ADAM22: variants seen among roughly 807,000 people sequenced by gnomAD.
ADAM22 encodes ADAM metallopeptidase domain 22, also known as disintegrin and metalloproteinase domain-containing protein 22.
In ADAM22, 65 loss-of-function variants were observed where a neutral mutation model predicts 144.6. The ratio of observed to expected loss-of-function variants is 0.45; its 90% CI spans 0.37 to 0.55. The LOEUF (loss-of-function observed/expected upper bound fraction) is 0.55, where lower values mean the gene tolerates loss of function less well. Ranked by LOEUF, ADAM22 falls within the 20% of genes least tolerant of loss-of-function variation. The pLI, the probability that ADAM22 is intolerant of heterozygous loss-of-function variation, is 0.00. For missense variants in ADAM22, 974 were observed against 1,184.9 expected (o/e 0.82, Z 2.61); for synonymous variants, 391 against 412.6 (o/e 0.95, Z 0.63).
At chr7:88,019,698 A>C (rs1322571308) in intron 3 of ADAM22, among the ~76,000 whole-genome samples, 1 of 151,272 alleles carries the variant, frequency 6.6e-6, no homozygotes, top group Non-Finnish European at 1.5e-5. Context: ...AAAATTACAA[A>C]AATTAGCTGG....
At chr7:88,180,505 TG>T (rs1189882713) in intron 27 of ADAM22, among the ~76,000 whole-genome samples, 2 of 152,130 alleles carry the variant, frequency 1.3e-5, no homozygotes, top group African/African-American at 4.8e-5. Context: ...TTATTTTCAC[TG>T]ATCAGTAGAA....
chr7:88,196,841 T>G lies in ADAM22; in HGVS notation c.*350T>G. ...TAGCAAGTTTCCTAAGGTACAATAGTGGATTCAGAACTTGACGTTCTGAGG... is the reference window on the plus strand; with the variant it reads ...TAGCAAGTTTCCTAAGGTACAATAGGGGATTCAGAACTTGACGTTCTGAGG... On this transcript the variant is annotated 3_prime_UTR_variant, in exon 32 of 32. Transcript: ENST00000413139. 3.6e-6 allele frequency: 1 copy of G among 278,650 alleles called. No individual in the cohort carries two copies. The highest frequency in any genetic ancestry group is 7.0e-6 in the Non-Finnish European group (1 of 142,858). The allele number at this position is 278,650 out of a possible 1,614,324, so 17.3% of individuals were successfully genotyped here. A position where few individuals can be genotyped will look rare whatever the true frequency, so the allele number is the denominator to read the frequency against.
chr7:88,143,616 G>C (rs1292178681), intron 15 of ADAM22, among the ~76,000 whole-genome samples: 2 of 152,098 alleles, frequency 1.3e-5, no homozygotes, highest in African/African-American at 4.8e-5. Context: ...AGAAAGTCTT[G>C]GACTTTGTCA....
At chr7:87,963,494 C>G (rs1848420535) in intron 2 of ADAM22, among the ~76,000 whole-genome samples, 1 of 152,058 alleles carries the variant, frequency 6.6e-6, no homozygotes. Context: ...GGCCTTTTTC[C>G]TTTGTAAAAA....
intron 2 of ADAM22, among the ~76,000 whole-genome samples, chr7:87,954,952 C>T (rs1846270178): frequency 1.3e-5 from 2 of 152,328 alleles, no homozygotes; most frequent in South Asian, 2.1e-4. Flanking sequence ...CTGCATTCTT[C>T]ACGTAGTTCT....
chr7:88,011,395 C>A (rs1382892415), intron 3 of ADAM22, among the ~76,000 whole-genome samples: 1 of 152,062 alleles, frequency 6.6e-6, no homozygotes, highest in Non-Finnish European at 1.5e-5. Flanking sequence ...AAAAAATTAG[C>A]CAGGCATGGT....
At chr7:88,132,551 G>A (rs1251533495) in intron 11 of ADAM22, 1 of 221,788 alleles carries the variant, frequency 4.5e-6, no homozygotes, top group Non-Finnish European at 9.1e-6. Flanking sequence ...AATGCCTGAT[G>A]TTAAGATATG....
intron 13 of ADAM22, among the ~76,000 whole-genome samples, chr7:88,135,209 C>T (rs978311786): frequency 3.2e-5 from 4 of 123,882 alleles, no homozygotes; most frequent in South Asian, 2.8e-4. Flanking sequence ...ACCCAGGAGG[C>T]GGAGGTTGCG....
chr7:88,181,744 C>G, intron 28 of ADAM22, 139 bp downstream of exon 28: 1 of 838,040 alleles, frequency 1.2e-6, no homozygotes, highest in Non-Finnish European at 1.9e-6. Flanking sequence ...GAATGAGAGC[C>G]TAGTTTTTAT....
intron 15 of ADAM22, 102 bp from the exon 16 acceptor site, chr7:88,145,023 G>A: frequency 3.3e-6 from 3 of 898,732 alleles, no homozygotes; most frequent in African/African-American, 1.7e-5. Context: ...ATTTTAGAAT[G>A]ACTGGCAGGG....
At position 88,034,870 on chromosome 7, in the gene ADAM22, G is replaced by A. The variant is rs566109115; in HGVS notation, c.324-40756G>A. ...CTAAGTGCACAGTTTCTCTCTCTGT[G>A]CCATGAGGCTGCTGCTGGGGTGTGG... On this transcript the variant is annotated intron_variant, in intron 3 of 31. Transcript: ENST00000413139. Among the ~76,000 whole-genome samples, 93 of 152,240 alleles carry A rather than the reference G, an allele frequency of 6.1e-4. 2 individuals carry two copies. In the Middle Eastern group the frequency reaches 0.017, roughly 28 times the overall value.
intron 3 of ADAM22, among the ~76,000 whole-genome samples, chr7:88,074,033 T>C (rs1022045034): frequency 1.3e-5 from 2 of 152,190 alleles, no homozygotes; most frequent in African/African-American, 4.8e-5. Flanking sequence ...TTTTTGATTG[T>C]CATGACTGGT....
intron 5 of ADAM22, among the ~76,000 whole-genome samples, chr7:88,114,159 G>T (rs1023444021): frequency 6.6e-6 from 1 of 152,138 alleles, no homozygotes; most frequent in African/African-American, 2.4e-5. Flanking sequence ...GGCGTTCTCA[G>T]TATAGTCCCT....
chr7:88,150,871 G>T, intron 18 of ADAM22, 110 bp from the exon 19 acceptor site: 1 of 903,160 alleles, frequency 1.1e-6, no homozygotes, highest in East Asian at 2.4e-5. Context: ...GATGGTATAA[G>T]GGACTAGCCA....
chr7:88,081,036 A>C (rs537211942), intron 4 of ADAM22, among the ~76,000 whole-genome samples: 1 of 152,330 alleles, frequency 6.6e-6, no homozygotes, highest in African/African-American at 2.4e-5. Flanking sequence ...GAGACACACA[A>C]AAAAAGAGAA....
chr7:87,948,893 T>C (rs909562427), intron 2 of ADAM22, among the ~76,000 whole-genome samples: 4 of 152,238 alleles, frequency 2.6e-5, no homozygotes, highest in Non-Finnish European at 5.9e-5. Context: ...GCACTGTGCC[T>C]GACACACAGT....
At chr7:88,101,035 G>A (rs1218961445) in intron 4 of ADAM22, among the ~76,000 whole-genome samples, 3 of 150,990 alleles carry the variant, frequency 2.0e-5, no homozygotes, top group Non-Finnish European at 2.9e-5. Flanking sequence ...AGGACAGGCC[G>A]TTAGTTCCTG....
chr7:87,992,098 A>G (rs1790046877), intron 3 of ADAM22, among the ~76,000 whole-genome samples: 2 of 152,222 alleles, frequency 1.3e-5, no homozygotes, highest in South Asian at 2.1e-4. Context: ...GCAAGATGGT[A>G]TCCACCCAGG....
intron 4 of ADAM22, among the ~76,000 whole-genome samples, chr7:88,077,505 T>C (rs571501245): frequency 5.3e-5 from 8 of 152,166 alleles, no homozygotes; most frequent in African/African-American, 1.2e-4. Context: ...TGCAGGACAA[T>C]GGGTGCAGTG....
Sources: allele counts gnomAD v4.1 joint callset (sites outside exome capture counted in the v4.1 genomes callset), GRCh38; gene constraint gnomAD v4.1.1; transcripts MANE v1.5; gene names NCBI Gene and HGNC (gene_info 2026-07-23, HGNC 2026-07-21).